Variants in ZNF793 observed in about 807,000 individuals in gnomAD.
ZNF793 encodes the protein zinc finger protein 793.
In ZNF793, 5 loss-of-function variants were observed where a neutral mutation model predicts 12.4. The ratio of observed to expected loss-of-function variants is 0.40; its 90% CI spans 0.21 to 0.84. The LOEUF is 0.84. ZNF793 is among the 40% of genes least tolerant of loss of function. ZNF793 has a pLI of 0.35. For missense variants in ZNF793, 456 were observed against 495.0 expected, an observed-to-expected ratio of 0.92 and a Z score of 0.75; for synonymous variants, 162 against 172.4, an observed-to-expected ratio of 0.94 and a Z score of 0.47.
chr19:37,522,386 T>G (rs1568789637), intron 3 of ZNF793, 146 bp from the exon 4 acceptor site: 1 of 152,094 alleles, frequency 6.6e-6, no homozygotes, highest in Non-Finnish European at 1.5e-5. Context: ...TTAGTAGAGA[T>G]GGGGTTTCAC....
At chr19:37,510,431 G>T (rs1281607555) in intron 2 of ZNF793, among the ~76,000 whole-genome samples, 2 of 148,922 alleles carry the variant, frequency 1.3e-5, no homozygotes, top group East Asian at 4.1e-4. Context: ...AGGAGAATTA[G>T]TTAAACCCAG....
chr19:37,510,159 G>A (rs1337504678), intron 2 of ZNF793, among the ~76,000 whole-genome samples: 1 of 152,024 alleles, frequency 6.6e-6, no homozygotes, highest in Non-Finnish European at 1.5e-5. Context: ...CCAGGATCTT[G>A]AGACCAGCCT....
chr19:37,537,056 T>A lies in ZNF793; in HGVS notation c.398T>A (p.Ile133Asn). ...SLLSTDLFSS[I>N]QSPSNWNPCG... Reference sequence around the variant, plus strand: ...CTGAGCACTGATCTTTTTTCTTCAATCCAGAGCCCTAGTAACTGGAACCCT... The same window carrying A: ...CTGAGCACTGATCTTTTTTCTTCAAACCAGAGCCCTAGTAACTGGAACCCT... Residue 133 changes from isoleucine (I) to asparagine (N), a missense_variant, in exon 8 of 8, where the codon ATC becomes AAC. Coordinates refer to ENST00000627814, the MANE Select transcript of ZNF793 (RefSeq NM_001013659.3). 1.2e-6 allele frequency: 2 copies of A among 1,613,910 alleles called. No homozygotes were observed. The highest frequency in any genetic ancestry group is 1.7e-6 in the Non-Finnish European group (2 of 1,179,836).
intron 2 of ZNF793, among the ~76,000 whole-genome samples, chr19:37,513,816 G>A (rs1167416409): frequency 6.6e-6 from 1 of 152,160 alleles, no homozygotes; most frequent in Non-Finnish European, 1.5e-5. Context: ...GATTAGATGA[G>A]CGAATATGGT....
chr19:37,531,895 T>G (rs190740989), intron 5 of ZNF793, among the ~76,000 whole-genome samples: 50 of 152,300 alleles, frequency 3.3e-4, no homozygotes, highest in African/African-American at 1.2e-3. Context: ...TAGCTTCCAA[T>G]GTGATTTTCT....
intron 5 of ZNF793, chr19:37,531,456 T>C (rs10404945): frequency 0.32 from 48,686 of 153,896 alleles, 9,877 homozygotes; most frequent in East Asian, 0.67. Flanking sequence ...GGTGAGCCAC[T>C]GTGCCCGGCC....
At chr19:37,533,655 C>T in intron 7 of ZNF793, 1 of 514,368 alleles carries the variant, frequency 1.9e-6, no homozygotes, top group Non-Finnish European at 3.4e-6. Context: ...GGTATTCTTA[C>T]AAATAAAAGC....
At chr19:37,525,437 CTTT>C (rs768958436) in intron 5 of ZNF793, among the ~76,000 whole-genome samples, 6 of 119,638 alleles carry the variant, frequency 5.0e-5, no homozygotes, top group African/African-American at 6.4e-5. Flanking sequence ...CGTGCCTGGC[CTTT>C]TTTTTTTTTT....
chr19:37,529,649 C>T (rs1433140712), intron 5 of ZNF793, among the ~76,000 whole-genome samples: 2 of 152,100 alleles, frequency 1.3e-5, no homozygotes, highest in African/African-American at 2.4e-5. Context: ...CGCACAACCA[C>T]ACCTGGCTAA....
At chr19:37,519,126 C>T (rs1459741063) in intron 2 of ZNF793, among the ~76,000 whole-genome samples, 1 of 151,820 alleles carries the variant, frequency 6.6e-6, no homozygotes, top group Admixed American at 6.6e-5. Context: ...AATTAGCCGG[C>T]GTGGTGGCAG....
Position 37,541,407 on chromosome 19 carries a change from AGT to A in ZNF793, c.*3530_*3531del, listed in dbSNP as rs1336475334. On this transcript the variant is annotated 3_prime_UTR_variant, in exon 8 of 8. Transcript: ENST00000627814. The stretch of plus-strand genomic sequence containing the variant: ...AAATAAGCAGTTGAAGGCTGGGTGC[AGT>A]GGCTCATGCCTGTAATCCCAACACT... The A allele has an allele frequency of 6.6e-6, 1 of 152,426 alleles. No individual in the cohort carries two copies. Among genetic ancestry groups the A allele is most frequent in the Admixed American group, 6.5e-5 (1 of 15,276 alleles). The allele number at this position is 152,426 out of a possible 1,614,324, so 9.4% of individuals were successfully genotyped here.
chr19:37,536,621 C>T (rs1256148881), intron 7 of ZNF793: 1 of 432,240 alleles, frequency 2.3e-6, no homozygotes, highest in South Asian at 8.5e-5. Flanking sequence ...CCCACAAAGC[C>T]TTTACTTTCT....
At chr19:37,506,992 A>T (rs1444383121) in intron 1 of ZNF793, 26 bp downstream of exon 1, 1 of 152,190 alleles carries the variant, frequency 6.6e-6, no homozygotes, top group Non-Finnish European at 1.5e-5. Context: ...AGGACGACCA[A>T]TTTCAGATTC....
rs2042540198 is a variant in ZNF793, at chr19:37,539,892, T to A, written c.*2013T>A. ...AAAGAAAGAGTAATACCAGTGTTATTTATTATATGGATGTAATACAATCCA... is the reference window on the plus strand; with the variant it reads ...AAAGAAAGAGTAATACCAGTGTTATATATTATATGGATGTAATACAATCCA... On this transcript the variant is annotated 3_prime_UTR_variant, in exon 8 of 8. Coordinates refer to ENST00000627814, the MANE Select transcript of ZNF793 (RefSeq NM_001013659.3). 6.6e-6 allele frequency: 1 copy of A among 152,132 alleles called. No individual in the cohort carries two copies. Among genetic ancestry groups the A allele is most frequent in the Admixed American group, 6.5e-5 (1 of 15,280 alleles). 9.4% of individuals were successfully genotyped at this position (152,132 alleles called of 1,614,324 possible). A position where few individuals can be genotyped will look rare whatever the true frequency, so the allele number is the denominator to read the frequency against.
At chr19:37,533,047 C>G (rs2042474704) in intron 6 of ZNF793, among the ~76,000 whole-genome samples, 1 of 151,978 alleles carries the variant, frequency 6.6e-6, no homozygotes, top group Non-Finnish European at 1.5e-5. Context: ...CCAGAGTCAC[C>G]CAGCTAGTAG....
chr19:37,530,859 G>C (rs1319913334), intron 5 of ZNF793, among the ~76,000 whole-genome samples: 1 of 152,042 alleles, frequency 6.6e-6, no homozygotes, highest in Non-Finnish European at 1.5e-5. Flanking sequence ...TCTGTTTTCT[G>C]TTTATCCCGT....
intron 2 of ZNF793, among the ~76,000 whole-genome samples, chr19:37,517,866 T>A (rs952151284): frequency 2.6e-5 from 4 of 152,194 alleles, no homozygotes; most frequent in Non-Finnish European, 5.9e-5. Flanking sequence ...TTGTTATTGT[T>A]ATTATTGCTG....
intron 2 of ZNF793, among the ~76,000 whole-genome samples, chr19:37,516,557 A>G (rs1369498459): frequency 6.6e-6 from 1 of 152,174 alleles, no homozygotes; most frequent in African/African-American, 2.4e-5. Context: ...TCACGTCACA[A>G]TGCTGACTGA....
intron 2 of ZNF793, 37 bp from the exon 3 acceptor site, chr19:37,520,147 G>C: frequency 1.3e-5 from 2 of 152,820 alleles, no homozygotes; most frequent in Middle Eastern, 3.4e-3. Flanking sequence ...GGGGAAGGAC[G>C]ATTGGATGAC....
Sources: allele counts gnomAD v4.1 joint callset (sites outside exome capture counted in the v4.1 genomes callset), GRCh38; gene constraint gnomAD v4.1.1; transcripts MANE v1.5; gene names NCBI Gene and HGNC (gene_info 2026-07-23, HGNC 2026-07-21).